The following LCN8 variants were observed in gnomAD, a reference collection of about 807,000 sequenced individuals.
LCN8 encodes lipocalin 8.
A neutral mutation model predicts 22.8 loss-of-function variants in LCN8; 16 were observed. The observed-to-expected ratio is 0.70, with a 90% confidence interval of 0.47 to 1.06. The LOEUF (loss-of-function observed/expected upper bound fraction) is 1.06. Among genes scored for constraint, LCN8 ranks in the 50% least tolerant of loss-of-function variants. The pLI is 0.00. For synonymous variants in LCN8, 92 were observed against 83.4 expected, an observed-to-expected ratio of 1.10 and a Z score of -0.56; for missense variants, 189 against 203.3, an observed-to-expected ratio of 0.93 and a Z score of 0.43.
chr9:136,754,848 T>G (rs1588306129), intron 6 of LCN8: 1 of 1,350,524 alleles, frequency 7.4e-7, no homozygotes, highest in East Asian at 2.8e-5. Context: ...GCGCCATTTC[T>G]GCTCCCCTGC....
Position 136,758,238 on chromosome 9 carries a change from G to C in LCN8, c.-308C>G. On this transcript the variant is annotated 5_prime_UTR_variant, in exon 1 of 7. Coordinates refer to ENST00000371688, the MANE Select transcript of LCN8 (RefSeq NM_178469.4). ...CCCTCCTGGCATATGGACAGCGGTG[G>C]ACGCTGCTGGGGCCGTCTCGGAGCC... is the stretch of plus-strand genomic sequence containing the variant. 7.6e-7 allele frequency: 1 copy of C among 1,312,216 alleles called. No homozygotes were observed. The highest frequency in any genetic ancestry group is 9.7e-7 in the Non-Finnish European group (1 of 1,025,906). The allele number at this position is 1,312,216 out of a possible 1,614,324, so 81.3% of individuals were successfully genotyped here.
chr9:136,758,149 G>C lies in LCN8; in HGVS notation c.-219C>G. The C allele has an allele frequency of 6.9e-7, 1 of 1,439,030 alleles. No individual in the cohort carries two copies. The highest frequency in any genetic ancestry group is 9.1e-7 in the Non-Finnish European group (1 of 1,096,706). The allele number at this position is 1,439,030 out of a possible 1,614,324, so 89.1% of individuals were successfully genotyped here. A position where few individuals can be genotyped will look rare whatever the true frequency, so the allele number is the denominator to read the frequency against. ...GTGGGTTTCTGCACAAGCGCCATCGGCCCTGGTGACACCCACGCCCACCGC... is the reference window on the plus strand; with the variant it reads ...GTGGGTTTCTGCACAAGCGCCATCGCCCCTGGTGACACCCACGCCCACCGC... On this transcript the variant is annotated 5_prime_UTR_variant, in exon 1 of 7. Transcript: ENST00000371688.
intron 3 of LCN8, 73 bp downstream of exon 3, chr9:136,756,449 G>A: frequency 6.2e-7 from 1 of 1,613,316 alleles, no homozygotes; most frequent in South Asian, 1.1e-5. Flanking sequence ...GCAGGGAACA[G>A]CATGGGGAAC....
At chr9:136,758,257 C>G (rs1030114235), upstream of LCN8, 4 of 1,244,174 alleles carry the variant, frequency 3.2e-6, no homozygotes, top group Non-Finnish European at 4.1e-6. Context: ...GGGGCCGTCT[C>G]GGAGCCTGAG....
At chr9:136,756,721 C>A in intron 2 of LCN8, 129 bp from the exon 3 acceptor site, 1 of 1,395,306 alleles carries the variant, frequency 7.2e-7, no homozygotes, top group Admixed American at 2.0e-5. Flanking sequence ...AGGCCTGGAG[C>A]AGGATGAGGC....
In LCN8 at chr9:136,755,465, A is replaced by G; in HGVS notation, c.278T>C (p.Leu93Pro). ...LDTDYEGYAI[L>P]RVSLMWRGRN... Reference sequence around the variant, plus strand: ...GCCCCGCCACATCAGGGACACCCGCAGGATGGCGTAGCCCTCGTAGTCGGT... The same window carrying G: ...GCCCCGCCACATCAGGGACACCCGCGGGATGGCGTAGCCCTCGTAGTCGGT... The change falls in exon 4 of 7, where the codon CTG becomes CCG. Residue 93 changes from leucine to proline, a missense_variant. Coordinates refer to ENST00000371688, the MANE Select transcript of LCN8 (RefSeq NM_178469.4). The G allele has an allele frequency of 1.2e-6, 2 of 1,613,346 alleles. No homozygotes were observed. Among genetic ancestry groups the G allele is most frequent in the South Asian group, 2.2e-5 (2 of 91,084 alleles).
chr9:136,757,064 G>A lies in LCN8; in HGVS notation c.129C>T (p.Asn43=). The A allele has an allele frequency of 6.2e-7, 1 of 1,613,482 alleles. No homozygotes were observed. The highest frequency in any genetic ancestry group is 8.5e-7 in the Non-Finnish European group (1 of 1,179,820). The change falls in exon 2 of 7, where the codon AAC becomes AAT. Residue 43 remains asparagine, a synonymous_variant. Coordinates refer to ENST00000371688, the MANE Select transcript of LCN8 (RefSeq NM_178469.4). ...TGTTATATGCAACCTTCACGGTCAG[G>A]TTACTCCCGCTCAAGGTGAGGAACA... The part of the protein sequence containing the change: ...EGLFLTLSGS[N]LTVKVAYNSS...
chr9:136,754,544 T>C, intron 6 of LCN8, 35 bp from the exon 7 acceptor site: 1 of 1,549,122 alleles, frequency 6.5e-7, no homozygotes, highest in African/African-American at 1.4e-5. Flanking sequence ...CAGGCCCGTG[T>C]GGTCTCTGGA....
chr9:136,757,700 C>T (rs1054435868), intron 1 of LCN8: 6 of 985,332 alleles, frequency 6.1e-6, no homozygotes, highest in East Asian at 1.1e-4. Flanking sequence ...TCTTCGTCTC[C>T]GGCATCTACC....
intron 3 of LCN8, chr9:136,756,143 T>C (rs35874639): frequency 2.4e-6 from 1 of 412,004 alleles, no homozygotes; most frequent in Non-Finnish European, 3.9e-6. Context: ...GAACAGCATG[T>C]GGAACAGCGC....
rs754443087 is a variant in LCN8 at position 136,757,943 on chromosome 9, C to G, written c.-13G>C. On this transcript the variant is annotated 5_prime_UTR_variant, in exon 1 of 7. Transcript: ENST00000371688. ...CCAGCTCCTCCATGGCTGCTGCCAC[C>G]TGCGCCCGGAGCACCACGAGGACAC... 3 of 1,613,208 alleles carry G rather than the reference C, an allele frequency of 1.9e-6. No individual in the cohort carries two copies. The highest frequency in any genetic ancestry group is 1.7e-4 in the Middle Eastern group (1 of 5,756).
rs374702165 is a variant in LCN8, at chr9:136,755,428, G to A, written c.315C>T (p.Arg105=). The stretch of plus-strand genomic sequence containing the variant: ...CAAGCTTACTAAAGTACTTGAGGAC[G>A]CGAAAGTTCCTGCCCCGCCACATCA... ...VSLMWRGRNF[R]VLKYFTRSLE... The change falls in exon 4 of 7, where the codon CGC becomes CGT. Residue 105 remains arginine (R), a synonymous_variant. Transcript: ENST00000371688. 2.2e-5 allele frequency: 35 copies of A among 1,611,574 alleles called. No individual in the cohort carries two copies. The African/African-American group carries it at 3.5e-4, about 16-fold the overall frequency.
At position 136,758,113 on chromosome 9, in the gene LCN8, A is replaced by G; in HGVS notation, c.-183T>C. ...TCATCAGGACAGCTTGGCTGCTGGC[A>G]GCTCAGAGACGTGGGTTTCTGCACA... On this transcript the variant is annotated 5_prime_UTR_variant, in exon 1 of 7. Coordinates refer to ENST00000371688, the MANE Select transcript of LCN8 (RefSeq NM_178469.4). 1 of 1,457,778 alleles carries G rather than the reference A, an allele frequency of 6.9e-7. No individual in the cohort carries two copies. The highest frequency in any genetic ancestry group is 1.4e-5 in the South Asian group (1 of 72,888). The allele number at this position is 1,457,778 out of a possible 1,614,324, so 90.3% of individuals were successfully genotyped here. A position where few individuals can be genotyped will look rare whatever the true frequency, so the allele number is the denominator to read the frequency against.
At position 136,757,143 on chromosome 9, in the gene LCN8, C is replaced by T. The variant is rs200546113; in HGVS notation, c.50G>A (p.Gly17Asp). 32 of 1,613,122 alleles carry T rather than the reference C, an allele frequency of 2.0e-5. No individual in the cohort carries two copies. In the Admixed American group the frequency reaches 2.0e-4, roughly 10 times the overall value. Residue 17 changes from glycine to aspartate, a missense_variant, in exon 2 of 7, where the codon GGT becomes GAT. By Grantham distance (94) the Gly-to-Asp change is moderately conservative. Transcript: ENST00000371688. ...QKIGGFWREV[G>D]VASDQSLVLT... ...CACCAGGCTTTGATCGGAGGCCACACCGACTTCCCTCCAGAATCCTCCAAT... is the reference window on the plus strand; with the variant it reads ...CACCAGGCTTTGATCGGAGGCCACATCGACTTCCCTCCAGAATCCTCCAAT...
intron 2 of LCN8, among the ~76,000 whole-genome samples, 194 bp downstream of exon 2, chr9:136,756,844 A>G (rs1847219009): frequency 6.6e-6 from 1 of 152,166 alleles, no homozygotes; most frequent in African/African-American, 2.4e-5. Flanking sequence ...TTAAAACACT[A>G]TGCTTATATT....
Position 136,757,965 on chromosome 9 carries a change from A to T in LCN8, c.-35T>A, listed in dbSNP as rs1847250017. On this transcript the variant is annotated 5_prime_UTR_variant, in exon 1 of 7. Transcript: ENST00000371688. ...CACCTGCGCCCGGAGCACCACGAGG[A>T]CACCCAGGATGGTGCACGGCAGCCT... is the stretch of plus-strand genomic sequence containing the variant. 1 of 1,612,120 alleles carries T rather than the reference A, an allele frequency of 6.2e-7. No homozygotes were observed.
chr9:136,758,249 G>C, upstream of LCN8: 1 of 1,265,616 alleles, frequency 7.9e-7, no homozygotes, highest in Admixed American at 3.5e-5. Context: ...ACGCTGCTGG[G>C]GCCGTCTCGG....
intron 1 of LCN8, chr9:136,757,477 C>T (rs567638511): frequency 4.4e-6 from 6 of 1,351,328 alleles, no homozygotes; most frequent in Admixed American, 6.6e-5. Flanking sequence ...CCCTGCCTGA[C>T]CTCGGAGGCA....
At chr9:136,754,668 C>T in intron 6 of LCN8, 159 bp from the exon 7 acceptor site, 2 of 1,431,778 alleles carry the variant, frequency 1.4e-6, no homozygotes, top group Non-Finnish European at 1.8e-6. Context: ...AATGGGGTAA[C>T]AGGCCCAGCC....
Sources: gnomAD v4.1 joint callset for allele counts (sites outside exome capture counted in the v4.1 genomes callset) on GRCh38, gnomAD v4.1.1 for gene constraint, MANE v1.5 for transcripts, NCBI Gene and HGNC (gene_info 2026-07-23, HGNC 2026-07-21) for gene names.